The following TMEM132D variants were observed in gnomAD, a reference collection of about 807,000 sequenced individuals.
TMEM132D encodes transmembrane protein 132D.
In TMEM132D, 21 loss-of-function variants were observed where a neutral mutation model predicts 62.3. The ratio of observed to expected loss-of-function variants is 0.34; its 90% CI spans 0.24 to 0.49. TMEM132D has a LOEUF of 0.49. TMEM132D is among the 20% of genes least tolerant of loss of function. The pLI is 0.99. For synonymous variants in TMEM132D, 621 were observed against 575.6 expected, an observed-to-expected ratio of 1.08 and a Z score of -1.13; for missense variants, 1,346 against 1,402.8, an observed-to-expected ratio of 0.96 and a Z score of 0.65.
intron 4 of TMEM132D, among the ~76,000 whole-genome samples, chr12:129,301,478 G>A (rs905645304): frequency 2.0e-5 from 3 of 151,936 alleles, no homozygotes; most frequent in Admixed American, 2.0e-4. Flanking sequence ...AACTTTAAAT[G>A]TCCATGCTAA....
rs571107822 is a variant in TMEM132D at position 129,733,430 on chromosome 12, A to G, written c.80-32732T>C. ...TGATCTATGGCCAAAATCAACCACC[A>G]GTCACGCGGGTGAATGAGACTTCAG... On this transcript the variant is annotated intron_variant, in intron 1 of 8. Coordinates refer to ENST00000422113, the MANE Select transcript of TMEM132D (RefSeq NM_133448.3). 2.0e-5 allele frequency among the ~76,000 whole-genome samples: 3 copies of G among 152,298 alleles called. No homozygotes were observed. In the South Asian group the frequency reaches 6.2e-4, roughly 32 times the overall value.
At chr12:129,530,078 C>T (rs1283582614) in intron 3 of TMEM132D, among the ~76,000 whole-genome samples, 1 of 152,110 alleles carries the variant, frequency 6.6e-6, no homozygotes, top group African/African-American at 2.4e-5. Context: ...AATCCAAATT[C>T]CTAAAAACCA....
intron 5 of TMEM132D, among the ~76,000 whole-genome samples, chr12:129,153,266 C>G (rs1285663136): frequency 1.3e-5 from 2 of 152,064 alleles, no homozygotes; most frequent in Non-Finnish European, 2.9e-5. Flanking sequence ...ATGCAGTAGC[C>G]GCAAGTCAGA....
intron 3 of TMEM132D, among the ~76,000 whole-genome samples, chr12:129,421,691 A>G (rs1335838423): frequency 6.6e-6 from 1 of 152,180 alleles, no homozygotes; most frequent in African/African-American, 2.4e-5. Flanking sequence ...ACTTGGCTAT[A>G]TTTTTGATAC....
chr12:129,668,087 G>T (rs1052892410), intron 2 of TMEM132D, among the ~76,000 whole-genome samples: 9 of 151,354 alleles, frequency 5.9e-5, no homozygotes, highest in African/African-American at 2.2e-4. Flanking sequence ...ACTGGAGATT[G>T]TGACATTAGA....
chr12:129,445,664 G>A (rs1448692751), intron 3 of TMEM132D, among the ~76,000 whole-genome samples: 1 of 152,032 alleles, frequency 6.6e-6, no homozygotes, highest in Non-Finnish European at 1.5e-5. Context: ...CCAGGTCATG[G>A]GTTCATTAAG....
chr12:129,548,370 C>A (rs1876797857), intron 2 of TMEM132D, among the ~76,000 whole-genome samples: 1 of 152,164 alleles, frequency 6.6e-6, no homozygotes, highest in South Asian at 2.1e-4. Flanking sequence ...ATCCTGTTCG[C>A]CTCCTCCCTG....
At chr12:129,634,582 A>G (rs1374812160) in intron 2 of TMEM132D, among the ~76,000 whole-genome samples, 1 of 152,178 alleles carries the variant, frequency 6.6e-6, no homozygotes, top group Non-Finnish European at 1.5e-5. Flanking sequence ...TTAGAAATAA[A>G]CCTGATGCTT....
intron 2 of TMEM132D, among the ~76,000 whole-genome samples, chr12:129,655,246 C>CTTTTTTTT (rs5801873): frequency 7.2e-6 from 1 of 139,394 alleles, no homozygotes. Context: ...TGTGTCTAGC[C>CTTTTTTTT]TTTTTTTTTT....
chr12:129,520,991 G>A (rs560106617), intron 3 of TMEM132D, among the ~76,000 whole-genome samples: 1 of 152,288 alleles, frequency 6.6e-6, no homozygotes, highest in Admixed American at 6.5e-5. Flanking sequence ...CTGAGTAATT[G>A]TAGACAAAAA....
chr12:129,527,587 G>A (rs949591380), intron 3 of TMEM132D, among the ~76,000 whole-genome samples: 3 of 151,990 alleles, frequency 2.0e-5, no homozygotes, highest in African/African-American at 2.4e-5. Flanking sequence ...TCCTTTCTAC[G>A]TGACACCTAA....
intron 5 of TMEM132D, among the ~76,000 whole-genome samples, chr12:129,118,258 A>G (rs1005619156): frequency 6.6e-6 from 1 of 152,236 alleles, no homozygotes; most frequent in African/African-American, 2.4e-5. Context: ...GAAAATGGAT[A>G]CCAATTTTTC....
intron 1 of TMEM132D, among the ~76,000 whole-genome samples, chr12:129,901,875 A>C (rs532726476): frequency 5.1e-4 from 72 of 139,966 alleles, no homozygotes; most frequent in East Asian, 3.3e-3. Context: ...CCCCCGCCCC[A>C]AAAAAAAAAT....
chr12:129,353,666 C>A (rs549048247), intron 3 of TMEM132D, among the ~76,000 whole-genome samples: 28 of 152,288 alleles, frequency 1.8e-4, no homozygotes, highest in African/African-American at 5.8e-4. Context: ...AACCTGGAAG[C>A]ATTCTGGGAA....
intron 2 of TMEM132D, among the ~76,000 whole-genome samples, chr12:129,636,698 ATGTGTGTGTGTG>A (rs542826978): frequency 5.6e-5 from 6 of 107,852 alleles, no homozygotes; most frequent in African/African-American, 1.3e-4. Flanking sequence ...TCATACAGAA[ATGTGTGTGTGTG>A]TGTGTGTGTG....
In TMEM132D at chr12:129,608,529, C is replaced by T. The variant is rs868372438; in HGVS notation, c.969-77324G>A. ...ACTGTTGATGAGAGACTGGCTTGCT[C>T]GCTGGATGGAAATGCAGTCAATTTT... is the stretch of plus-strand genomic sequence containing the variant. On this transcript the variant is annotated intron_variant, in intron 2 of 8. Coordinates refer to ENST00000422113, the MANE Select transcript of TMEM132D (RefSeq NM_133448.3). 1.1e-4 allele frequency among the ~76,000 whole-genome samples: 17 copies of T among 152,280 alleles called. No individual in the cohort carries two copies. In the Middle Eastern group the frequency reaches 0.01, roughly 91 times the overall value.
intron 2 of TMEM132D, among the ~76,000 whole-genome samples, chr12:129,542,809 A>T (rs568661245): frequency 6.6e-6 from 1 of 152,298 alleles, no homozygotes; most frequent in South Asian, 2.1e-4. Context: ...CCATAAGATT[A>T]TAATATTGTA....
intron 1 of TMEM132D, among the ~76,000 whole-genome samples, chr12:129,902,267 T>A (rs1438017269): frequency 6.6e-6 from 1 of 152,100 alleles, no homozygotes; most frequent in Non-Finnish European, 1.5e-5. Context: ...CTGAGAGAGA[T>A]CTCATCTCAA....
intron 2 of TMEM132D, among the ~76,000 whole-genome samples, chr12:129,631,017 C>T (rs1879333499): frequency 6.6e-6 from 1 of 152,156 alleles, no homozygotes; most frequent in Non-Finnish European, 1.5e-5. Context: ...CCATGACAGA[C>T]TGGATAAAGA....
Sources: allele counts gnomAD v4.1 joint callset (sites outside exome capture counted in the v4.1 genomes callset), GRCh38; gene constraint gnomAD v4.1.1; transcripts MANE v1.5; gene names NCBI Gene and HGNC (gene_info 2026-07-23, HGNC 2026-07-21).